The following F8 variants were observed in gnomAD, a reference collection of about 807,000 sequenced individuals.
F8 encodes the protein antihemophilic factor.
Under a neutral mutation model 140.6 loss-of-function variants are expected in F8, and 12 were observed. That is an observed-to-expected ratio of 0.09 (90% confidence interval 0.05 to 0.14). The LOEUF is 0.14. F8 is among the 10% of genes least tolerant of loss of function. The probability of loss-of-function intolerance (pLI) is 1.00; values close to 1 mark genes in which losing one functional copy is unlikely to be tolerated. For missense variants in F8, 1,354 were observed against 1,720.7 expected (o/e 0.79, Z 3.77); for synonymous variants, 585 against 614.6 (o/e 0.95, Z 0.71).
At chrX:154,975,928 G>T (rs782172288) in intron 6 of F8, among the ~76,000 whole-genome samples, 1 of 110,770 alleles carries the variant, frequency 9.0e-6, no homozygotes, top group Admixed American at 9.6e-5. Flanking sequence ...ACAGATTCTC[G>T]CTGTGTGCCC....
At chrX:154,910,627 C>T (rs782597016) in intron 14 of F8, among the ~76,000 whole-genome samples, 6 of 112,311 alleles carry the variant, frequency 5.3e-5, no homozygotes, top group South Asian at 3.8e-4. Flanking sequence ...CAATACACTG[C>T]GGAAGGCCGC....
intron 12 of F8, among the ~76,000 whole-genome samples, chrX:154,951,559 G>T (rs2073337881): frequency 9.0e-6 from 1 of 111,627 alleles, no homozygotes; most frequent in South Asian, 3.7e-4. Context: ...TCATATTGTT[G>T]TGTATAGCTT....
chrX:154,903,236 C>A lies in F8; in HGVS notation c.5998+670G>T, dbSNP rs139465815. 5.7e-3 allele frequency among the ~76,000 whole-genome samples: 631 copies of A among 110,367 alleles called. 4 individuals are homozygous for A. The highest frequency in any genetic ancestry group is 9.5e-3 in the Non-Finnish European group (503 of 52,756). On this transcript the variant is annotated intron_variant, in intron 18 of 25. Coordinates refer to ENST00000360256, the MANE Select transcript of F8 (RefSeq NM_000132.4). ...TGTTGTCCAAGTTTGAGTGCAGTGG[C>A]ACTTTCATAGCTCACTGCAGCATCA...
At chrX:154,963,954 C>A (rs2073410262) in intron 9 of F8, among the ~76,000 whole-genome samples, 1 of 111,039 alleles carries the variant, frequency 9.0e-6, no homozygotes, top group Non-Finnish European at 1.9e-5. Flanking sequence ...GATTCTCCTG[C>A]CTCAGCCTCC....
At chrX:154,981,520 C>A (rs1557283560) in intron 6 of F8, among the ~76,000 whole-genome samples, 1 of 109,494 alleles carries the variant, frequency 9.1e-6, no homozygotes, top group East Asian at 2.9e-4. Context: ...CTTATAAACG[C>A]CAGATGGAAG....
At position 154,963,293 on chromosome X, in the gene F8, G is replaced by A. The variant is rs979633135; in HGVS notation, c.1444-2125C>T. Among the ~76,000 whole-genome samples, 4 of 111,992 alleles carry A rather than the reference G, an allele frequency of 3.6e-5. No homozygotes were observed. In the East Asian group the frequency reaches 1.1e-3, roughly 31 times the overall value. On this transcript the variant is annotated intron_variant, in intron 9 of 25. Transcript: ENST00000360256. Reference sequence around the variant, plus strand: ...TTTGCACATTGATTTTGTATCCTGAGACTTTGCTGAAGTTGCTTATCAGCT... The same window carrying A: ...TTTGCACATTGATTTTGTATCCTGAAACTTTGCTGAAGTTGCTTATCAGCT...
Position 154,929,934 on chromosome X carries a change from G to T in F8, c.3856C>A (p.His1286Asn), listed in dbSNP as rs782345730. The T allele has an allele frequency of 8.3e-7, 1 of 1,211,090 alleles. No homozygotes were observed. Among genetic ancestry groups the T allele is most frequent in the Non-Finnish European group, 1.1e-6 (1 of 895,331 alleles). The change falls in exon 14 of 26, where the codon CAT becomes AAT. Residue 1286 changes from histidine (H) to asparagine (N), a missense_variant. His to Asn is a moderately conservative substitution (Grantham distance 68, BLOSUM62 1). Around this residue, in one of 4 missense-constraint regions of F8, gnomAD observed 658 missense variants for 666.5 expected, o/e 0.99. Coordinates refer to ENST00000360256, the MANE Select transcript of F8 (RefSeq NM_000132.4). ...STNRTKKHTA[H>N]FSKKGEEENL... ...TCTTCCTCCCCTTTTTTTGAGAAAT[G>T]AGCTGTGTGTTTCTTTGTTCTATTT... is the stretch of plus-strand genomic sequence containing the variant.
chrX:154,877,015 A>C (rs1231394457), intron 22 of F8, among the ~76,000 whole-genome samples: 2 of 112,391 alleles, frequency 1.8e-5, no homozygotes, highest in Non-Finnish European at 3.8e-5. Flanking sequence ...GAAGTTTTGA[A>C]ATGAAGTATA....
intron 1 of F8, among the ~76,000 whole-genome samples, chrX:155,002,410 T>C (rs2073651381): frequency 8.9e-6 from 1 of 111,756 alleles, no homozygotes; most frequent in South Asian, 3.8e-4. Flanking sequence ...AGCATGTGAA[T>C]TGGTAAAGAA....
chrX:154,892,038 T>C (rs2072947628), intron 22 of F8, among the ~76,000 whole-genome samples: 1 of 111,572 alleles, frequency 9.0e-6, no homozygotes, highest in Non-Finnish European at 1.9e-5. Context: ...AGGTTTGCAA[T>C]TCTCAGCCTC....
intron 22 of F8, among the ~76,000 whole-genome samples, chrX:154,876,399 A>G (rs951318891): frequency 6.3e-5 from 7 of 111,457 alleles, no homozygotes; most frequent in African/African-American, 1.3e-4. Context: ...GATTACAGGC[A>G]TAAGCCACCG....
chrX:154,898,405 T>G (rs1557275742), intron 21 of F8, among the ~76,000 whole-genome samples: 1 of 112,439 alleles, frequency 8.9e-6, no homozygotes, highest in Non-Finnish European at 1.9e-5. Context: ...TAGGTGGATT[T>G]GTAACTGGTT....
chrX:154,852,888 A>G (rs1241099647), intron 25 of F8, among the ~76,000 whole-genome samples: 1 of 112,035 alleles, frequency 8.9e-6, no homozygotes, highest in Non-Finnish European at 1.9e-5. Flanking sequence ...CAAAAAACAA[A>G]CAAACAAACA....
chrX:154,902,019 GGT>G lies in F8; in HGVS notation c.6115+30_6115+31del, dbSNP rs782637016. On this transcript the variant is annotated intron_variant, in intron 19 of 25. Transcript: ENST00000360256. Reference sequence around the variant, plus strand: ...AAGCTGTAAAGAAGTAGGCTGAGTAGGTAGGGAACCTCTGCCCACATTGCTAC... The same window carrying G: ...AAGCTGTAAAGAAGTAGGCTGAGTAGAGGGAACCTCTGCCCACATTGCTAC... 3.3e-5 allele frequency: 32 copies of G among 966,374 alleles called. No individual in the cohort carries two copies. The South Asian group carries it at 5.6e-4, about 17-fold the overall frequency. The allele number at this position is 966,374 out of a possible 1,213,427, so 79.6% of individuals were successfully genotyped here.
chrX:154,951,968 G>A (rs1308001976), intron 12 of F8, among the ~76,000 whole-genome samples: 6 of 111,864 alleles, frequency 5.4e-5, no homozygotes, highest in South Asian at 3.7e-4. Flanking sequence ...TTTCATCACC[G>A]TCTCCAAGAA....
intron 22 of F8, among the ~76,000 whole-genome samples, chrX:154,871,798 T>A (rs1009828844): frequency 8.9e-6 from 1 of 111,792 alleles, no homozygotes; most frequent in African/African-American, 3.3e-5. Context: ...AATCTATCCA[T>A]CTGAGAAAGG....
chrX:155,003,718 G>C (rs1329137157), intron 1 of F8, among the ~76,000 whole-genome samples: 2 of 111,148 alleles, frequency 1.8e-5, no homozygotes, highest in African/African-American at 6.5e-5. Context: ...CAGCACTTTG[G>C]GAGGCCGAGG....
chrX:154,891,660 T>C (rs1261904561), intron 22 of F8, among the ~76,000 whole-genome samples: 1 of 112,788 alleles, frequency 8.9e-6, no homozygotes, highest in African/African-American at 3.2e-5. Flanking sequence ...TTGTTCCTAC[T>C]TGGTAAATTC....
At chrX:154,888,409 C>CTTTTTTTTTT (rs1569559435) in intron 22 of F8, among the ~76,000 whole-genome samples, 1 of 5,657 alleles carries the variant, frequency 1.8e-4, no homozygotes. Context: ...TTTTTTTTCC[C>CTTTTTTTTTT]CCCGAGATGG....
Sources: gnomAD v4.1 joint callset for allele counts (sites outside exome capture counted in the v4.1 genomes callset) on GRCh38, gnomAD v4.1.1 for gene constraint, gnomAD v4.1.1 regional missense constraint, MANE v1.5 for transcripts, NCBI Gene and HGNC (gene_info 2026-07-23, HGNC 2026-07-21) for gene names.